COL26A1: variants seen among roughly 807,000 people sequenced by gnomAD.
COL26A1 encodes collagen type XXVI alpha 1 chain.
A neutral mutation model predicts 59.3 loss-of-function variants in COL26A1; 41 were observed. The observed-to-expected ratio is 0.69, with a 90% CI of 0.54 to 0.90. COL26A1 has a LOEUF of 0.90. Ranked by LOEUF, COL26A1 falls within the 40% of genes least tolerant of loss-of-function variation. COL26A1 has a pLI of 0.00. For missense variants in COL26A1, 612 were observed against 602.3 expected (o/e 1.02, Z -0.17); for synonymous variants, 266 against 256.0 (o/e 1.04, Z -0.37).
At chr7:101,552,909 A>G (rs1034181585) in intron 10 of COL26A1, among the ~76,000 whole-genome samples, 1 of 152,158 alleles carries the variant, frequency 6.6e-6, no homozygotes, top group South Asian at 2.1e-4. Flanking sequence ...CTCCATCTCA[A>G]ATAAATAAAT....
At chr7:101,428,402 T>TG (rs1792698754) in intron 2 of COL26A1, among the ~76,000 whole-genome samples, 1 of 150,568 alleles carries the variant, frequency 6.6e-6, no homozygotes, top group Admixed American at 6.6e-5. Flanking sequence ...TATTTGAGAA[T>TG]GGGCATTGCA....
At chr7:101,452,896 C>G (rs1793377852) in intron 3 of COL26A1, among the ~76,000 whole-genome samples, 1 of 152,022 alleles carries the variant, frequency 6.6e-6, no homozygotes, top group Non-Finnish European at 1.5e-5. Context: ...TCCCAAGTAC[C>G]TGGGGTTACA....
Position 101,487,994 on chromosome 7 carries a change from T to A in COL26A1, c.385+40207T>A, listed in dbSNP as rs191231584. Among the ~76,000 whole-genome samples, 626 of 152,128 alleles carry A rather than the reference T, an allele frequency of 4.1e-3. 4 individuals carry two copies. Among genetic ancestry groups the A allele is most frequent in the Middle Eastern group, 6.8e-3 (2 of 294 alleles). On this transcript the variant is annotated intron_variant, in intron 3 of 12. Coordinates refer to ENST00000313669, the MANE Select transcript of COL26A1 (RefSeq NM_001278563.3). ...GGCTTTAAAAAAATTGTGATTAGGCTGGGCGCAGTGGCTCACGCCTATAAT... is the reference window on the plus strand; with the variant it reads ...GGCTTTAAAAAAATTGTGATTAGGCAGGGCGCAGTGGCTCACGCCTATAAT...
chr7:101,437,910 G>A (rs1792954807), intron 2 of COL26A1, among the ~76,000 whole-genome samples: 2 of 151,702 alleles, frequency 1.3e-5, no homozygotes, highest in South Asian at 4.2e-4. Flanking sequence ...TGGGGGTCTT[G>A]CTATGTTGCT....
At chr7:101,397,349 TTTCCTTCCTTCC>T (rs72039447) in intron 1 of COL26A1, among the ~76,000 whole-genome samples, 1 of 151,558 alleles carries the variant, frequency 6.6e-6, no homozygotes, top group Admixed American at 6.6e-5. Context: ...ATTGCTTTCT[TTTCCTTCCTTCC>T]TTCCTTCCTT....
chr7:101,471,567 G>GTTTTTTTTTTTTTTTTTTTTTTTT, intron 3 of COL26A1, among the ~76,000 whole-genome samples: 1 of 112,420 alleles, frequency 8.9e-6, no homozygotes, highest in African/African-American at 3.5e-5. Flanking sequence ...TGTTGTTGTT[G>GTTTTTTTTTTTTTTTTTTTTTTTT]TTTGTTTTTT....
intron 3 of COL26A1, among the ~76,000 whole-genome samples, chr7:101,476,429 T>C (rs1291888395): frequency 6.6e-6 from 1 of 152,006 alleles, no homozygotes; most frequent in African/African-American, 2.4e-5. Flanking sequence ...TTCTATAAAA[T>C]AGAATAAGAG....
chr7:101,463,050 G>T (rs922310986), intron 3 of COL26A1, among the ~76,000 whole-genome samples: 1 of 152,218 alleles, frequency 6.6e-6, no homozygotes, highest in Admixed American at 6.5e-5. Context: ...CCAGAAGTGG[G>T]CTCATGAGAA....
chr7:101,524,837 G>T (rs1269408377), intron 3 of COL26A1, among the ~76,000 whole-genome samples: 1 of 152,160 alleles, frequency 6.6e-6, no homozygotes, highest in South Asian at 2.1e-4. Flanking sequence ...ATTAGATCTT[G>T]CTGGGGGGAA....
At chr7:101,374,097 G>A (rs981502399) in intron 1 of COL26A1, among the ~76,000 whole-genome samples, 21 of 152,148 alleles carry the variant, frequency 1.4e-4, no homozygotes, top group African/African-American at 4.8e-4. Flanking sequence ...ACAATCCTAC[G>A]GAAACATACA....
At chr7:101,518,122 GT>G (rs1235605202) in intron 3 of COL26A1, among the ~76,000 whole-genome samples, 1 of 152,094 alleles carries the variant, frequency 6.6e-6, no homozygotes, top group African/African-American at 2.4e-5. Flanking sequence ...CCTGTCTTTT[GT>G]TTTTAAAACT....
chr7:101,442,943 G>C (rs1162018660), intron 2 of COL26A1, among the ~76,000 whole-genome samples: 1 of 152,184 alleles, frequency 6.6e-6, no homozygotes, highest in Non-Finnish European at 1.5e-5. Context: ...GTGACTGTGT[G>C]AGGGTGTGCG....
chr7:101,414,976 G>A (rs1792338570), intron 1 of COL26A1, among the ~76,000 whole-genome samples: 1 of 152,190 alleles, frequency 6.6e-6, no homozygotes, highest in African/African-American at 2.4e-5. Flanking sequence ...GGGCAATGAA[G>A]TTTAACCTCT....
chr7:101,442,574 A>C (rs1448440042), intron 2 of COL26A1, among the ~76,000 whole-genome samples: 1 of 152,192 alleles, frequency 6.6e-6, no homozygotes, highest in Non-Finnish European at 1.5e-5. Flanking sequence ...CAGCCACATC[A>C]TATAGGGTTA....
At chr7:101,461,404 T>A (rs1793608531) in intron 3 of COL26A1, among the ~76,000 whole-genome samples, 1 of 151,956 alleles carries the variant, frequency 6.6e-6, no homozygotes, top group Admixed American at 6.6e-5. Flanking sequence ...GTTCAAGCGA[T>A]TCTCCTGCCT....
At chr7:101,404,280 A>T (rs1206812830) in intron 1 of COL26A1, among the ~76,000 whole-genome samples, 1 of 152,156 alleles carries the variant, frequency 6.6e-6, no homozygotes, top group East Asian at 1.9e-4. Flanking sequence ...TGAAATCTTA[A>T]GTGACCTGGT....
At chr7:101,381,565 G>C (rs1791449066) in intron 1 of COL26A1, among the ~76,000 whole-genome samples, 1 of 152,202 alleles carries the variant, frequency 6.6e-6, no homozygotes, top group African/African-American at 2.4e-5. Flanking sequence ...TCTGGCAAAG[G>C]CTGTGTCATT....
chr7:101,416,599 A>C (rs1414083689), intron 1 of COL26A1, among the ~76,000 whole-genome samples: 1 of 141,928 alleles, frequency 7.0e-6, no homozygotes, highest in East Asian at 1.9e-4. Context: ...CCTGTTTTCC[A>C]TCTCCTTTTC....
chr7:101,480,468 G>A (rs36085186), intron 3 of COL26A1, among the ~76,000 whole-genome samples: 52,706 of 151,738 alleles, frequency 0.35, 9,614 homozygotes, highest in Middle Eastern at 0.46. Context: ...TGTTGCTGGG[G>A]CTTTAATCTT....
Sources: gnomAD v4.1 joint callset for allele counts (sites outside exome capture counted in the v4.1 genomes callset) on GRCh38, gnomAD v4.1.1 for gene constraint, MANE v1.5 for transcripts, NCBI Gene and HGNC (gene_info 2026-07-23, HGNC 2026-07-21) for gene names.